Variants in PCNT observed in about 807,000 individuals in gnomAD.
The protein encoded by PCNT is pericentrin.
In PCNT, 319 loss-of-function variants were observed where a neutral mutation model predicts 380.4. The observed-to-expected ratio is 0.84, with a 90% CI of 0.77 to 0.92. The LOEUF (loss-of-function observed/expected upper bound fraction) is 0.92, where lower values mean the gene tolerates loss of function less well. Among genes scored for constraint, PCNT ranks in the 40% least tolerant of loss-of-function variants. The probability of loss-of-function intolerance (pLI) is 0.00; values close to 1 mark genes in which losing one functional copy is unlikely to be tolerated. For missense variants in PCNT, 4,400 were observed against 4,255.3 expected, an observed-to-expected ratio of 1.03 and a Z score of -0.95; for synonymous variants, 1,845 against 1,735.2, an observed-to-expected ratio of 1.06 and a Z score of -1.57.
intron 14 of PCNT, among the ~76,000 whole-genome samples, chr21:46,365,993 C>T (rs1030037528): frequency 6.0e-5 from 9 of 150,766 alleles, no homozygotes; most frequent in African/African-American, 1.7e-4. Context: ...TAGTCACTGC[C>T]GTGGGGTTCT....
At chr21:46,340,811 A>G (rs1278887292) in intron 3 of PCNT, among the ~76,000 whole-genome samples, 1 of 152,114 alleles carries the variant, frequency 6.6e-6, no homozygotes, top group Non-Finnish European at 1.5e-5. Flanking sequence ...CTGGGATTAC[A>G]GGTGCCCGCC....
At chr21:46,384,211 C>T (rs1446119309) in intron 16 of PCNT, among the ~76,000 whole-genome samples, 3 of 146,782 alleles carry the variant, frequency 2.0e-5, no homozygotes, top group Non-Finnish European at 4.5e-5. Flanking sequence ...GTGGCAGAAG[C>T]GCATTCACGG....
In PCNT at chr21:46,324,215, G is replaced by A. The variant is rs372115710; in HGVS notation, c.-14G>A. The A allele has an allele frequency of 4.0e-5, 64 of 1,609,126 alleles. No homozygotes were observed. In the African/African-American group the frequency reaches 7.9e-4, roughly 20 times the overall value. The stretch of plus-strand genomic sequence containing the variant: ...CCCGTCACCGCCGGGCGGCCCGCGC[G>A]GAGTCTGAGGGAGATGGAAGTTGAG... On this transcript the variant is annotated 5_prime_UTR_variant, in exon 1 of 47. Transcript: ENST00000359568.
At chr21:46,417,471 C>T (rs1029902920) in intron 30 of PCNT, among the ~76,000 whole-genome samples, 4 of 152,066 alleles carry the variant, frequency 2.6e-5, no homozygotes, top group African/African-American at 9.7e-5. Flanking sequence ...GGCTTACAGG[C>T]GTGAGCCACC....
intron 12 of PCNT, 125 bp downstream of exon 12, chr21:46,355,751 T>C: frequency 1.1e-6 from 1 of 931,974 alleles, no homozygotes; most frequent in Non-Finnish European, 1.7e-6. Context: ...CGACCTCTTC[T>C]TCTGGGGCTG....
intron 24 of PCNT, 106 bp from the exon 25 acceptor site, chr21:46,399,484 A>C (rs747617991): frequency 1.2e-4 from 94 of 811,462 alleles, no homozygotes; most frequent in Non-Finnish European, 1.8e-4. Context: ...AGGGGAGGGC[A>C]TAGGGCATCT....
In PCNT at chr21:46,354,137, A is replaced by G. The variant is rs113341094; in HGVS notation, c.1761+69A>G. On this transcript the variant is annotated intron_variant, in intron 11 of 46. Transcript: ENST00000359568. Reference sequence around the variant, plus strand: ...GACCTTCCAGCCCTGCGTCTTCCACATTATAGAGCCTGTGTTTCCGTCCTT... The same window carrying G: ...GACCTTCCAGCCCTGCGTCTTCCACGTTATAGAGCCTGTGTTTCCGTCCTT... The G allele has an allele frequency of 1.2e-4, 158 of 1,330,574 alleles. 3 individuals are homozygous for G. The Middle Eastern group carries it at 1.4e-3, about 12-fold the overall frequency. 82.4% of individuals were successfully genotyped at this position (1,330,574 alleles called of 1,614,324 possible).
intron 16 of PCNT, among the ~76,000 whole-genome samples, chr21:46,382,246 A>T (rs2085579848): frequency 6.9e-6 from 1 of 145,594 alleles, no homozygotes; most frequent in African/African-American, 2.5e-5. Flanking sequence ...CAGTGGCGGA[A>T]GCCCATTCAC....
At chr21:46,372,372 A>G (rs2085181082) in intron 15 of PCNT, among the ~76,000 whole-genome samples, 1 of 152,046 alleles carries the variant, frequency 6.6e-6, no homozygotes, top group Non-Finnish European at 1.5e-5. Flanking sequence ...ACATGTTCAT[A>G]CAGCACATGC....
At chr21:46,364,044 G>C in intron 14 of PCNT, 110 bp downstream of exon 14, 1 of 958,894 alleles carries the variant, frequency 1.0e-6, no homozygotes, top group Non-Finnish European at 1.6e-6. Flanking sequence ...TGGGCGAAAA[G>C]GTCTGGAGGG....
At chr21:46,364,475 G>A (rs1195848088) in intron 14 of PCNT, among the ~76,000 whole-genome samples, 2 of 152,254 alleles carry the variant, frequency 1.3e-5, no homozygotes, top group South Asian at 2.1e-4. Flanking sequence ...GTTGTTCTTC[G>A]TGTGTTTTAA....
intron 15 of PCNT, among the ~76,000 whole-genome samples, chr21:46,371,991 A>ATG (rs1265771101): frequency 2.1e-5 from 3 of 143,734 alleles, no homozygotes; most frequent in East Asian, 2.2e-4. Flanking sequence ...CATGCAGCAC[A>ATG]TGCACACACA....
intron 15 of PCNT, among the ~76,000 whole-genome samples, chr21:46,372,496 G>A (rs1188864196): frequency 6.6e-6 from 1 of 152,192 alleles, no homozygotes; most frequent in Non-Finnish European, 1.5e-5. Context: ...GGGTCTGTAC[G>A]ATTTTCTGGC....
At chr21:46,394,529 G>A (rs184531736) in intron 21 of PCNT, 30 of 985,238 alleles carry the variant, frequency 3.0e-5, no homozygotes, top group African/African-American at 5.2e-5. Flanking sequence ...CAGCACACAA[G>A]GACTCAGGTT....
chr21:46,438,073 A>G, intron 40 of PCNT, 91 bp from the exon 41 acceptor site: 1 of 1,026,218 alleles, frequency 9.7e-7, no homozygotes, highest in Non-Finnish European at 1.5e-6. Context: ...CATTAATTAC[A>G]ATCCCTAAAA....
chr21:46,332,810 C>CTTG (rs1275725872), intron 2 of PCNT, among the ~76,000 whole-genome samples: 6 of 152,334 alleles, frequency 3.9e-5, no homozygotes, highest in Admixed American at 3.9e-4. Context: ...AGTGAATCAT[C>CTTG]TTGTTAAAGC....
chr21:46,344,865 T>C (rs1430370062), intron 3 of PCNT, among the ~76,000 whole-genome samples: 1 of 152,250 alleles, frequency 6.6e-6, no homozygotes, highest in East Asian at 1.9e-4. Flanking sequence ...AAAGGCTTTC[T>C]GTGGCTCGAC....
intron 27 of PCNT, among the ~76,000 whole-genome samples, chr21:46,402,917 G>A (rs1188208738): frequency 6.6e-6 from 1 of 152,164 alleles, no homozygotes; most frequent in African/African-American, 2.4e-5. Context: ...TTAAATTTTT[G>A]TGAGTACATA....
In PCNT at chr21:46,440,714, T is replaced by G. The variant is rs1410808433; in HGVS notation, c.9394-141T>G. 25 of 540,668 alleles carry G rather than the reference T, an allele frequency of 4.6e-5. No individual in the cohort carries two copies. The Admixed American group carries it at 8.3e-4, about 18-fold the overall frequency. The allele number at this position is 540,668 out of a possible 1,614,324, so 33.5% of individuals were successfully genotyped here. The stretch of plus-strand genomic sequence containing the variant: ...AGGTTGTTTCTGGCCACAGATACTG[T>G]TGGAAGGCCGATGGCTCTGTGATGA... On this transcript the variant is annotated intron_variant, in intron 42 of 46. Transcript: ENST00000359568.
Sources: allele counts gnomAD v4.1 joint callset (sites outside exome capture counted in the v4.1 genomes callset), GRCh38; gene constraint gnomAD v4.1.1; transcripts MANE v1.5; gene names NCBI Gene and HGNC (gene_info 2026-07-23, HGNC 2026-07-21).